ARHGAP35: variants seen among roughly 807,000 people sequenced by gnomAD.
ARHGAP35 encodes Rho GTPase activating protein 35, also known as rho GTPase-activating protein 35.
In ARHGAP35, 15 loss-of-function variants were observed where a neutral mutation model predicts 111.1. The ratio of observed to expected loss-of-function variants is 0.13; its 90% CI spans 0.09 to 0.21. The LOEUF is 0.21. ARHGAP35 is among the 10% of genes least tolerant of loss of function. ARHGAP35 has a pLI of 1.00. For synonymous variants in ARHGAP35, 643 were observed against 710.3 expected, an observed-to-expected ratio of 0.91 and a Z score of 1.51; for missense variants, 1,262 against 1,873.0, an observed-to-expected ratio of 0.67 and a Z score of 6.02.
intron 3 of ARHGAP35, among the ~76,000 whole-genome samples, chr19:46,958,315 C>T (rs1330202201): frequency 6.7e-6 from 1 of 148,782 alleles, no homozygotes; most frequent in Non-Finnish European, 1.5e-5. Context: ...ACCCAGGAGG[C>T]GGAGCTTGGC....
At chr19:46,991,641 G>A (rs935859824) in intron 5 of ARHGAP35, among the ~76,000 whole-genome samples, 6 of 152,220 alleles carry the variant, frequency 3.9e-5, no homozygotes, top group East Asian at 3.8e-4. Context: ...TGACCGAAGC[G>A]GGTGGGAGAG....
At chr19:46,965,616 C>G (rs1426461434) in intron 3 of ARHGAP35, among the ~76,000 whole-genome samples, 1 of 152,136 alleles carries the variant, frequency 6.6e-6, no homozygotes, top group Admixed American at 6.5e-5. Flanking sequence ...TCCCAAGTAG[C>G]TGGAACTTCA....
At chr19:46,914,036 C>G (rs933392215) in intron 1 of ARHGAP35, among the ~76,000 whole-genome samples, 2 of 152,122 alleles carry the variant, frequency 1.3e-5, no homozygotes, top group Non-Finnish European at 2.9e-5. Context: ...GTATTTGTGA[C>G]CAAGCACTTA....
rs1259870464 is a variant in ARHGAP35 at position 46,908,969 on chromosome 19, G to A, written c.-188-9519G>A. 6.6e-6 allele frequency among the ~76,000 whole-genome samples: 1 copy of A among 152,058 alleles called. No individual in the cohort carries two copies. On this transcript the variant is annotated intron_variant, in intron 1 of 6. Transcript: ENST00000672722. The surrounding 1 kb of genome is among the most constrained non-coding windows in gnomAD (Gnocchi z 4.2). ...GGGACATTTGCAAAAATTATAAATG[G>A]AATGTCAGAGAATCTTTCATAGCTA... is the stretch of plus-strand genomic sequence containing the variant.
intron 1 of ARHGAP35, among the ~76,000 whole-genome samples, chr19:46,900,118 T>G (rs914607176): frequency 3.3e-5 from 5 of 152,234 alleles, no homozygotes; most frequent in Admixed American, 6.5e-5. Flanking sequence ...GATAATGCCT[T>G]GATAAGTTAG....
chr19:46,961,822 C>T (rs375554730), intron 3 of ARHGAP35, among the ~76,000 whole-genome samples: 9 of 151,890 alleles, frequency 5.9e-5, no homozygotes, highest in African/African-American at 1.7e-4. Context: ...CCCAACTACT[C>T]GGGAGGCTGA....
In ARHGAP35 at chr19:46,908,799, A is replaced by G. The variant is rs1011995070; in HGVS notation, c.-188-9689A>G. 4.0e-5 allele frequency among the ~76,000 whole-genome samples: 6 copies of G among 151,860 alleles called. No individual in the cohort carries two copies. The East Asian group carries it at 5.8e-4, about 15-fold the overall frequency. ...GGAAGCATGAGAACTGTGGCGGGGGAAAAATGGGCTACTTGCTGTATTTAG... is the reference window on the plus strand; with the variant it reads ...GGAAGCATGAGAACTGTGGCGGGGGGAAAATGGGCTACTTGCTGTATTTAG... On this transcript the variant is annotated intron_variant, in intron 1 of 6. Coordinates refer to ENST00000672722, the MANE Select transcript of ARHGAP35 (RefSeq NM_004491.5). The surrounding 1 kb of genome is among the most constrained non-coding windows in gnomAD (Gnocchi z 4.2).
chr19:46,930,576 A>G (rs981669283), intron 2 of ARHGAP35, among the ~76,000 whole-genome samples: 27 of 145,684 alleles, frequency 1.9e-4, no homozygotes, highest in African/African-American at 6.9e-4. Context: ...AAACGGCTAT[A>G]CTAGATGGTA....
chr19:46,980,519 C>G (rs998868111), intron 3 of ARHGAP35, among the ~76,000 whole-genome samples: 4 of 152,198 alleles, frequency 2.6e-5, no homozygotes, highest in African/African-American at 7.2e-5. Flanking sequence ...AGCTATAAGA[C>G]AGAACCAGGA....
At position 46,948,336 on chromosome 19, in the gene ARHGAP35, G is replaced by A. The variant is rs1471421946; in HGVS notation, c.3826+10928G>A. ...GGGTTTTCATGCTCATGTGTGAGAA[G>A]TGCCTCTTTCAAACCTTGTTCTGAC... On this transcript the variant is annotated intron_variant, in intron 3 of 6. Coordinates refer to ENST00000672722, the MANE Select transcript of ARHGAP35 (RefSeq NM_004491.5). 9.8e-5 allele frequency: 15 copies of A among 152,372 alleles called. No individual in the cohort carries two copies. The South Asian group carries it at 3.1e-3, about 32-fold the overall frequency. 9.4% of individuals were successfully genotyped at this position (152,372 alleles called of 1,614,324 possible).
At chr19:46,970,377 A>C (rs771186966) in intron 3 of ARHGAP35, among the ~76,000 whole-genome samples, 1 of 151,908 alleles carries the variant, frequency 6.6e-6, no homozygotes, top group Non-Finnish European at 1.5e-5. Flanking sequence ...GGGGGAGAGC[A>C]AACTCACACC....
intron 1 of ARHGAP35, among the ~76,000 whole-genome samples, chr19:46,889,045 A>G (rs172661): frequency 0.67 from 101,434 of 151,366 alleles, 35,091 homozygotes; most frequent in Middle Eastern, 0.85. Flanking sequence ...TGGACTGGGC[A>G]TGGTGGCTCA....
intron 3 of ARHGAP35, among the ~76,000 whole-genome samples, chr19:46,977,136 C>T (rs1031066106): frequency 2.6e-5 from 4 of 152,202 alleles, no homozygotes; most frequent in Non-Finnish European, 4.4e-5. Context: ...AAGAATGTGG[C>T]CAGCTTCTGC....
intron 1 of ARHGAP35, among the ~76,000 whole-genome samples, chr19:46,881,754 C>T (rs1173872290): frequency 6.6e-6 from 1 of 152,206 alleles, no homozygotes; most frequent in Admixed American, 6.6e-5. Flanking sequence ...TCAGCCTGTC[C>T]TGTGGAGCTT....
intron 3 of ARHGAP35, among the ~76,000 whole-genome samples, chr19:46,955,231 G>A (rs1274451068): frequency 6.6e-6 from 1 of 152,170 alleles, no homozygotes; most frequent in Non-Finnish European, 1.5e-5. Context: ...TCCTAGCGGG[G>A]GAGGGATAGT....
At chr19:46,973,952 C>T (rs186612013) in intron 3 of ARHGAP35, among the ~76,000 whole-genome samples, 115 of 151,694 alleles carry the variant, frequency 7.6e-4, no homozygotes, top group South Asian at 1.2e-3. Context: ...GCCAAGATTG[C>T]GCCACTGCAC....
In ARHGAP35 at chr19:46,966,986, G is replaced by A. The variant is rs114235438; in HGVS notation, c.3827-21003G>A. Among the ~76,000 whole-genome samples, 797 of 152,334 alleles carry A rather than the reference G, an allele frequency of 5.2e-3. 10 individuals carry two copies. Among genetic ancestry groups the A allele is most frequent in the African/African-American group, 0.019 (776 of 41,564 alleles). On this transcript the variant is annotated intron_variant, in intron 3 of 6. Transcript: ENST00000672722. ...ACAGGATGGGAGGAATAGTCTAGGT[G>A]TGGAAAGTCAACTGAATGAGAGTCA...
intron 1 of ARHGAP35, among the ~76,000 whole-genome samples, chr19:46,913,646 T>G (rs1231337695): frequency 6.6e-6 from 1 of 152,180 alleles, no homozygotes; most frequent in Non-Finnish European, 1.5e-5. Flanking sequence ...TGAAGTATTT[T>G]CCTCTCTGAA....
chr19:47,001,239 G>T lies in ARHGAP35; in HGVS notation c.*551G>T. On this transcript the variant is annotated 3_prime_UTR_variant, in exon 7 of 7. Transcript: ENST00000672722. The surrounding 1 kb of genome is among the most constrained non-coding windows in gnomAD (Gnocchi z 5.4). ...TGCCACCACTAGGTACCTGCTGAGG[G>T]CGCTGGCTCTGCAGATCAGAACAAC... 1 of 1,285,130 alleles carries T rather than the reference G, an allele frequency of 7.8e-7. No homozygotes were observed. The highest frequency in any genetic ancestry group is 1.0e-6 in the Non-Finnish European group (1 of 987,582). 79.6% of individuals were successfully genotyped at this position (1,285,130 alleles called of 1,614,324 possible). A position where few individuals can be genotyped will look rare whatever the true frequency, so the allele number is the denominator to read the frequency against.
Sources: gnomAD v4.1 joint callset for allele counts (sites outside exome capture counted in the v4.1 genomes callset) on GRCh38, gnomAD v4.1.1 for gene constraint, Gnocchi (gnomAD v3.1) non-coding constraint, MANE v1.5 for transcripts, NCBI Gene and HGNC (gene_info 2026-07-23, HGNC 2026-07-21) for gene names.